GALNT12: variants seen among roughly 807,000 people sequenced by gnomAD.
The protein encoded by GALNT12 is polypeptide N-acetylgalactosaminyltransferase 12.
GALNT12 carries 45 observed loss-of-function variants against 55.5 expected under a neutral mutation model. The observed-to-expected ratio is 0.81, with a 90% CI of 0.64 to 1.04. The LOEUF is 1.04. Among genes scored for constraint, GALNT12 ranks in the 50% least tolerant of loss-of-function variants. The pLI is 0.00. For synonymous variants in GALNT12, 304 were observed against 312.2 expected, an observed-to-expected ratio of 0.97 and a Z score of 0.28; for missense variants, 709 against 754.8, an observed-to-expected ratio of 0.94 and a Z score of 0.71.
At chr9:98,832,027 G>A (rs2118417227) in intron 4 of GALNT12, 70 bp downstream of exon 4, 1 of 1,361,964 alleles carries the variant, frequency 7.3e-7, no homozygotes, top group South Asian at 1.2e-5. Flanking sequence ...CCTGTGAGCG[G>A]AGGCCCTCGG....
intron 6 of GALNT12, 126 bp downstream of exon 6, chr9:98,837,274 T>C (rs1456032145): frequency 4.4e-6 from 4 of 899,144 alleles, no homozygotes; most frequent in Non-Finnish European, 7.5e-6. Context: ...CAGATACGAG[T>C]AAGGGGAGAA....
intron 8 of GALNT12, among the ~76,000 whole-genome samples, chr9:98,844,882 G>A (rs530674329): frequency 1.1e-4 from 17 of 152,100 alleles, no homozygotes; most frequent in Non-Finnish European, 2.2e-4. Flanking sequence ...CAGGACCCTT[G>A]GAGGATGCAG....
chr9:98,820,899 G>A (rs1444261351), intron 1 of GALNT12, among the ~76,000 whole-genome samples: 1 of 152,148 alleles, frequency 6.6e-6, no homozygotes, highest in Non-Finnish European at 1.5e-5. Flanking sequence ...GGAGCACAAA[G>A]GTAATTTTCT....
intron 1 of GALNT12, among the ~76,000 whole-genome samples, chr9:98,810,600 A>G (rs1204004021): frequency 6.6e-6 from 1 of 152,164 alleles, no homozygotes; most frequent in East Asian, 1.9e-4. Flanking sequence ...ATCAGAGGAA[A>G]GGAGTTGGGA....
Position 98,826,844 on chromosome 9 carries a change from C to T in GALNT12, c.634C>T (p.Arg212Trp), listed in dbSNP as rs371040665. The change falls in exon 3 of 10, where the codon CGG becomes TGG. Residue 212 changes from arginine to tryptophan, a missense_variant. By Grantham distance (101) the Arg-to-Trp change is moderately radical. This residue lies in a region of GALNT12 where 315 missense variants were observed against 288.6 expected (regional missense o/e 1.09). Transcript: ENST00000375011. ...ANKREGLVRA[R>W]LLGASAARGD... is the part of the protein sequence containing the mutation. The stretch of plus-strand genomic sequence containing the variant: ...CAAGAGAGAGGGCCTGGTGCGAGCC[C>T]GGCTGCTGGGGGCGTCTGCGGCGAG... 9 of 1,609,720 alleles carry T rather than the reference C, an allele frequency of 5.6e-6. No homozygotes were observed. Among genetic ancestry groups the T allele is most frequent in the South Asian group, 2.2e-5 (2 of 90,094 alleles).
intron 1 of GALNT12, among the ~76,000 whole-genome samples, chr9:98,814,358 A>T (rs1564246798): frequency 1.3e-5 from 2 of 152,184 alleles, no homozygotes; most frequent in Non-Finnish European, 2.9e-5. Context: ...TACAGAGGAT[A>T]TGATTTGATT....
chr9:98,823,370 A>C lies in GALNT12; in HGVS notation c.486A>C (p.Thr162=). The change falls in exon 2 of 10, where the codon ACA becomes ACC. Residue 162 remains threonine (T), a synonymous_variant. Coordinates refer to ENST00000375011, the MANE Select transcript of GALNT12 (RefSeq NM_024642.5). ...LLRTVYSVLE[T]SPDILLEEVI... ...GGACAGTTTACAGTGTCCTTGAGAC[A>C]TCCCCGGATATCCTGCTAGAAGAAG... 1 of 1,614,228 alleles carries C rather than the reference A, an allele frequency of 6.2e-7. No homozygotes were observed. Among genetic ancestry groups the C allele is most frequent in the Non-Finnish European group, 8.5e-7 (1 of 1,180,016 alleles).
At chr9:98,841,870 G>A (rs1434467044) in intron 7 of GALNT12, among the ~76,000 whole-genome samples, 1 of 151,668 alleles carries the variant, frequency 6.6e-6, no homozygotes, top group African/African-American at 2.4e-5. Context: ...CAGAGACGGG[G>A]TTTCACTATG....
At chr9:98,843,401 CTT>C (rs113917177) in intron 7 of GALNT12, among the ~76,000 whole-genome samples, 20 of 143,628 alleles carry the variant, frequency 1.4e-4, no homozygotes, top group Non-Finnish European at 1.2e-4. Context: ...TAAATTAATT[CTT>C]TTTTTTTTTT....
At chr9:98,844,067 C>A in intron 7 of GALNT12, 29 bp from the exon 8 acceptor site, 1 of 1,490,850 alleles carries the variant, frequency 6.7e-7, no homozygotes, top group Non-Finnish European at 9.4e-7. Context: ...TAAATCTGGA[C>A]TGAAATGCCA....
chr9:98,823,812 G>A (rs1361587982), intron 2 of GALNT12, among the ~76,000 whole-genome samples: 1 of 152,218 alleles, frequency 6.6e-6, no homozygotes, highest in Non-Finnish European at 1.5e-5. Flanking sequence ...CACTGAGCCA[G>A]CTGTGCGGGG....
intron 5 of GALNT12, among the ~76,000 whole-genome samples, chr9:98,836,314 T>C (rs1300408502): frequency 6.6e-6 from 1 of 152,220 alleles, no homozygotes; most frequent in African/African-American, 2.4e-5. Context: ...TTTTTAATAA[T>C]ATTTTATATG....
At position 98,823,245 on chromosome 9, in the gene GALNT12, T is replaced by C; in HGVS notation, c.372-11T>C. 6.2e-7 allele frequency: 1 copy of C among 1,613,982 alleles called. No homozygotes were observed. Among genetic ancestry groups the C allele is most frequent in the Non-Finnish European group, 8.5e-7 (1 of 1,179,832 alleles). ...AGATCCTGAGTTCCTGAAGTTCCGC[T>C]GTATTTGCAGGTGCAAAGAGAAGAA... is the stretch of plus-strand genomic sequence containing the variant. On this transcript the variant is annotated splice_polypyrimidine_tract_variant and intron_variant, in intron 1 of 9. Coordinates refer to ENST00000375011, the MANE Select transcript of GALNT12 (RefSeq NM_024642.5).
intron 1 of GALNT12, among the ~76,000 whole-genome samples, chr9:98,819,311 GGGTCA>G (rs1206950742): frequency 6.6e-6 from 1 of 152,168 alleles, no homozygotes; most frequent in East Asian, 1.9e-4. Context: ...GCCTTCCACG[GGGTCA>G]GTGCTAAGTT....
chr9:98,837,227 C>A, intron 6 of GALNT12, 79 bp downstream of exon 6: 1 of 1,347,768 alleles, frequency 7.4e-7, no homozygotes, highest in South Asian at 1.2e-5. Context: ...CCAACATAGT[C>A]GATCTGGTTC....
intron 3 of GALNT12, among the ~76,000 whole-genome samples, chr9:98,827,839 G>A (rs1024545731): frequency 5.3e-5 from 8 of 152,172 alleles, no homozygotes; most frequent in African/African-American, 1.9e-4. Context: ...GTCCCTGAAA[G>A]TCATAATGTA....
intron 8 of GALNT12, among the ~76,000 whole-genome samples, chr9:98,845,545 T>C (rs1836390750): frequency 6.6e-6 from 1 of 152,072 alleles, no homozygotes; most frequent in African/African-American, 2.4e-5. Flanking sequence ...GCACTTTACA[T>C]CTTCTAGGAA....
chr9:98,835,072 A>T lies in GALNT12; in HGVS notation c.918-177A>T, dbSNP rs117449263. ...GCCTGGGAGCCACCTCAAGGCAGGG[A>T]CCGTAGGGTACATCTATGCCTCCAG... On this transcript the variant is annotated intron_variant, in intron 4 of 9. Transcript: ENST00000375011. Among the ~76,000 whole-genome samples the T allele has an allele frequency of 8.1e-4, 124 of 152,262 alleles. 1 individual carries two copies. The highest frequency in any genetic ancestry group is 5.4e-3 in the Admixed American group (82 of 15,296).
chr9:98,821,437 T>C (rs1186642218), intron 1 of GALNT12, among the ~76,000 whole-genome samples: 1 of 151,716 alleles, frequency 6.6e-6, no homozygotes, highest in Non-Finnish European at 1.5e-5. Context: ...CTGGCTAACA[T>C]GGTGAAACAC....
Sources: gnomAD v4.1 joint callset for allele counts (sites outside exome capture counted in the v4.1 genomes callset) on GRCh38, gnomAD v4.1.1 for gene constraint, gnomAD v4.1.1 regional missense constraint, MANE v1.5 for transcripts, NCBI Gene and HGNC (gene_info 2026-07-23, HGNC 2026-07-21) for gene names.